The following TP63 variants were observed in gnomAD, a reference collection of about 807,000 sequenced individuals.
TP63 encodes the protein tumor protein p63.
TP63 carries 17 observed loss-of-function variants against 82.8 expected under a neutral mutation model. That is an observed-to-expected ratio of 0.21 (90% confidence interval 0.14 to 0.31). The LOEUF (loss-of-function observed/expected upper bound fraction) is 0.31. TP63 is among the 10% of genes least tolerant of loss of function. The pLI is 1.00. For synonymous variants in TP63, 330 were observed against 321.7 expected (o/e 1.03, Z -0.28); for missense variants, 648 against 895.3 (o/e 0.72, Z 3.52).
intron 3 of TP63, 180 bp downstream of exon 3, chr3:189,738,954 C>A: frequency 1.3e-6 from 1 of 794,796 alleles, no homozygotes; most frequent in Non-Finnish European, 2.0e-6. Context: ...CTGGGTCTGC[C>A]GCAAATATCT....
At chr3:189,709,736 T>A (rs1006810832) in intron 1 of TP63, among the ~76,000 whole-genome samples, 1 of 152,196 alleles carries the variant, frequency 6.6e-6, no homozygotes, top group African/African-American at 2.4e-5. Flanking sequence ...TCCTGTTCTC[T>A]GATTTATAAT....
the TP63 span, among the ~76,000 whole-genome samples, chr3:189,605,964 C>T: frequency 1.3e-4 from 20 of 152,218 alleles, no homozygotes; most frequent in African/African-American, 3.1e-4. Context: ...AGACAACTAC[C>T]GGGATATCTT....
intron 9 of TP63, 30 bp downstream of exon 9, chr3:189,869,436 T>A (rs1324359892): frequency 6.3e-7 from 1 of 1,592,676 alleles, no homozygotes; most frequent in Non-Finnish European, 8.6e-7. Flanking sequence ...TCATGGTTGC[T>A]TCATTTTAAC....
intron 1 of TP63, among the ~76,000 whole-genome samples, chr3:189,703,427 A>AATAGATAGATAGATAGATAG (rs58784734): frequency 0.15 from 21,879 of 143,042 alleles, 1,899 homozygotes; most frequent in East Asian, 0.2. Context: ...CCCTGTCTAA[A>AATAGATAGATAGATAGATAG]ATAGATAGAT....
At chr3:189,815,081 C>T (rs1488963979) in intron 4 of TP63, among the ~76,000 whole-genome samples, 4 of 152,040 alleles carry the variant, frequency 2.6e-5, no homozygotes, top group South Asian at 2.1e-4. Context: ...CATTTCTTCT[C>T]CCCCTTCTTT....
At chr3:189,716,094 T>G (rs1718938063) in intron 1 of TP63, among the ~76,000 whole-genome samples, 1 of 152,234 alleles carries the variant, frequency 6.6e-6, no homozygotes, top group Non-Finnish European at 1.5e-5. Context: ...AAACTGAGGC[T>G]TAGAAAGTTT....
intron 10 of TP63, among the ~76,000 whole-genome samples, chr3:189,875,605 T>TATATATATATATAC (rs1560289098): frequency 1.4e-4 from 8 of 58,692 alleles, no homozygotes; most frequent in African/African-American, 4.3e-4. Context: ...TATATATATA[T>TATATATATATATAC]ATATATATAT....
intron 1 of TP63, among the ~76,000 whole-genome samples, chr3:189,723,072 G>A (rs1719512247): frequency 6.6e-6 from 1 of 152,168 alleles, no homozygotes; most frequent in Admixed American, 6.6e-5. Context: ...TTTTCCAGAT[G>A]TACTCCCAAG....
intron 3 of TP63, among the ~76,000 whole-genome samples, chr3:189,804,705 T>C (rs1020921865): frequency 6.6e-6 from 1 of 152,258 alleles, no homozygotes; most frequent in African/African-American, 2.4e-5. Flanking sequence ...TAAGAAAATA[T>C]GTAAATGGAT....
At chr3:189,850,863 A>C (rs1221178271) in intron 4 of TP63, among the ~76,000 whole-genome samples, 1 of 152,236 alleles carries the variant, frequency 6.6e-6, no homozygotes, top group East Asian at 1.9e-4. Context: ...ATGGTTAAGA[A>C]CTTAATGATT....
intron 1 of TP63, among the ~76,000 whole-genome samples, chr3:189,691,626 G>A (rs990918444): frequency 1.3e-5 from 2 of 152,062 alleles, no homozygotes; most frequent in African/African-American, 2.4e-5. Context: ...GTTAAGAAAC[G>A]CTGCTTTAAA....
chr3:189,662,916 G>A (rs1313798395), intron 1 of TP63, among the ~76,000 whole-genome samples: 6 of 152,030 alleles, frequency 3.9e-5, no homozygotes, highest in Non-Finnish European at 7.4e-5. Flanking sequence ...AAGATTAAGA[G>A]AGTCTTTCTG....
intron 2 of TP63, 73 bp downstream of exon 2, chr3:189,737,941 A>G: frequency 2.5e-6 from 4 of 1,578,586 alleles, no homozygotes; most frequent in Non-Finnish European, 3.5e-6. Context: ...AATATTGCTT[A>G]CTAGGGCATG....
chr3:189,711,418 G>T (rs1298966006), intron 1 of TP63, among the ~76,000 whole-genome samples: 1 of 152,142 alleles, frequency 6.6e-6, no homozygotes, highest in Non-Finnish European at 1.5e-5. Context: ...AGACAAGGCT[G>T]CTAATACATT....
At chr3:189,864,473 T>A (rs1717442137) in intron 5 of TP63, 55 bp downstream of exon 5, 2 of 1,552,498 alleles carry the variant, frequency 1.3e-6, no homozygotes, top group Non-Finnish European at 8.7e-7. Context: ...CAAGATTCTG[T>A]GGGCATTTTT....
chr3:189,789,767 A>G (rs1724938370), intron 3 of TP63: 1 of 1,576,434 alleles, frequency 6.3e-7, no homozygotes. Context: ...AGCCAGAAGA[A>G]AGGACAGCAG....
intron 3 of TP63, among the ~76,000 whole-genome samples, chr3:189,759,221 T>C (rs1722394575): frequency 6.6e-6 from 1 of 152,238 alleles, no homozygotes; most frequent in Non-Finnish European, 1.5e-5. Context: ...AATTATTGGA[T>C]ATCACTCCAG....
chr3:189,673,633 A>G (rs745486285), intron 1 of TP63, among the ~76,000 whole-genome samples: 18 of 152,180 alleles, frequency 1.2e-4, no homozygotes, highest in Non-Finnish European at 2.2e-4. Context: ...AAGAAATTTA[A>G]CAAAAAGATA....
chr3:189,678,705 C>T (rs1372843787), intron 1 of TP63, among the ~76,000 whole-genome samples: 1 of 151,950 alleles, frequency 6.6e-6, no homozygotes, highest in Non-Finnish European at 1.5e-5. Context: ...ATTGATTCTT[C>T]TAATCCATGA....
Sources: gnomAD v4.1 joint callset for allele counts (sites outside exome capture counted in the v4.1 genomes callset) on GRCh38, gnomAD v4.1.1 for gene constraint, MANE v1.5 for transcripts, NCBI Gene and HGNC (gene_info 2026-07-23, HGNC 2026-07-21) for gene names.